Variants in C1QTNF8 observed in about 807,000 individuals in gnomAD.
C1QTNF8 encodes C1q and TNF related 8.
A neutral mutation model predicts 19.2 loss-of-function variants in C1QTNF8; 27 were observed. The ratio of observed to expected loss-of-function variants is 1.41; its 90% CI spans 1.04 to 1.94. The LOEUF is 1.94. Ranked by LOEUF, C1QTNF8 falls within the 30% of genes most tolerant of loss-of-function variation. The pLI is 0.00. For missense variants in C1QTNF8, 484 were observed against 374.4 expected (o/e 1.29, Z -2.42); for synonymous variants, 208 against 172.8 (o/e 1.20, Z -1.60).
In C1QTNF8 at chr16:1,088,346, C is replaced by T. The variant is rs1041005658; in HGVS notation, c.*2253G>A. The stretch of plus-strand genomic sequence containing the variant: ...ACAGGGATGTCCCCGCGGGAAGCCG[C>T]GTTCCCCAGTCCCTTCCTGTGCGGT... On this transcript the variant is annotated 3_prime_UTR_variant, in exon 5 of 5. Coordinates refer to ENST00000328449, the MANE Select transcript of C1QTNF8 (RefSeq NM_207419.3). Among the ~76,000 whole-genome samples the T allele has an allele frequency of 7.9e-5, 12 of 152,376 alleles. No homozygotes were observed. Among genetic ancestry groups the T allele is most frequent in the African/African-American group, 2.9e-4 (12 of 41,598 alleles).
intron 3 of C1QTNF8, among the ~76,000 whole-genome samples, chr16:1,094,419 C>T (rs1015107900): frequency 6.6e-6 from 1 of 152,190 alleles, no homozygotes; most frequent in Admixed American, 6.5e-5. Flanking sequence ...TCAGAGCAAG[C>T]GGGCTGCCCA....
rs772858491 is a variant in C1QTNF8, at chr16:1,093,656, TGACGCTGC to T, written c.596_603del (p.Arg199HisfsTer173). 8.7e-6 allele frequency: 14 copies of T among 1,611,524 alleles called. No individual in the cohort carries two copies. The East Asian group carries it at 3.1e-4, about 36-fold the overall frequency. ...AGCAGCATCAGGCTCTGGGCCTGCA[TGACGCTGC>T]GCTCGCTGGGCTGCGCGTAGAGCAC... On this transcript the variant is annotated frameshift_variant, in exon 4 of 5. Transcript: ENST00000328449. LOFTEE classifies it high-confidence loss of function.
intron 4 of C1QTNF8, among the ~76,000 whole-genome samples, chr16:1,092,290 G>C (rs1481170878): frequency 6.6e-6 from 1 of 152,008 alleles, no homozygotes; most frequent in Non-Finnish European, 1.5e-5. Context: ...CACACAGCTG[G>C]CACTCAATCA....
At position 1,090,288 on chromosome 16, in the gene C1QTNF8, G is replaced by C. The variant is rs1960518016; in HGVS notation, c.*311C>G. 6.6e-6 allele frequency: 1 copy of C among 152,602 alleles called. No homozygotes were observed. Among genetic ancestry groups the C allele is most frequent in the African/African-American group, 2.4e-5 (1 of 41,466 alleles). The allele number at this position is 152,602 out of a possible 1,614,324, so 9.5% of individuals were successfully genotyped here. On this transcript the variant is annotated 3_prime_UTR_variant, in exon 5 of 5. Coordinates refer to ENST00000328449, the MANE Select transcript of C1QTNF8 (RefSeq NM_207419.3). ...ACTTGGGAGGCAGCAGGCTTGGGCA[G>C]TGGGTGGGGGTGGCGCAGCCGGGAC...
rs2151563229 is a variant in C1QTNF8 at position 1,088,954 on chromosome 16, C to G, written c.*1645G>C. Among the ~76,000 whole-genome samples the G allele has an allele frequency of 6.6e-6, 1 of 152,326 alleles. No homozygotes were observed. Among genetic ancestry groups the G allele is most frequent in the Non-Finnish European group, 1.5e-5 (1 of 68,018 alleles). ...GTCACGTCTGGGTCCTTGGCTGGGC[C>G]TGGTGACGGGCACTTTCTGAGCTCC... is the stretch of plus-strand genomic sequence containing the variant. On this transcript the variant is annotated 3_prime_UTR_variant, in exon 5 of 5. Coordinates refer to ENST00000328449, the MANE Select transcript of C1QTNF8 (RefSeq NM_207419.3).
At chr16:1,094,251 C>T (rs1339272570) in intron 3 of C1QTNF8, among the ~76,000 whole-genome samples, 200 bp from the exon 4 acceptor site, 4 of 152,092 alleles carry the variant, frequency 2.6e-5, no homozygotes, top group Non-Finnish European at 5.9e-5. Flanking sequence ...TAGACCAAGG[C>T]CTGTGGCAAG....
rs1226763566 is a variant in C1QTNF8 at position 1,088,777 on chromosome 16, G to A, written c.*1822C>T. On this transcript the variant is annotated 3_prime_UTR_variant, in exon 5 of 5. Transcript: ENST00000328449. ...TCCAAGAGACCTTGCACCCCTGCCC[G>A]CCTGACCCCTGCTGCAGCCCGACCC... 2.0e-5 allele frequency among the ~76,000 whole-genome samples: 3 copies of A among 152,076 alleles called. No homozygotes were observed. Among genetic ancestry groups the A allele is most frequent in the East Asian group, 1.9e-4 (1 of 5,176 alleles).
At chr16:1,094,999 C>T (rs559291967) in intron 2 of C1QTNF8, 66 bp from the exon 3 acceptor site, 14 of 665,696 alleles carry the variant, frequency 2.1e-5, no homozygotes, top group South Asian at 5.0e-5. Flanking sequence ...CCAGACCCTA[C>T]GGCAGCCCGG....
chr16:1,089,583 C>T lies in C1QTNF8; in HGVS notation c.*1016G>A, dbSNP rs568278375. 9.8e-5 allele frequency among the ~76,000 whole-genome samples: 15 copies of T among 152,310 alleles called. No homozygotes were observed. The highest frequency in any genetic ancestry group is 4.1e-4 in the South Asian group (2 of 4,826). On this transcript the variant is annotated 3_prime_UTR_variant, in exon 5 of 5. Coordinates refer to ENST00000328449, the MANE Select transcript of C1QTNF8 (RefSeq NM_207419.3). ...CGGGCTCTGTGTGGGGTGGGCGGGA[C>T]GTGGCTGCAGCCTGGCTCTGCCTGC...
chr16:1,093,386 A>ACACCCACACC, intron 4 of C1QTNF8, 111 bp downstream of exon 4: 2 of 125,622 alleles, frequency 1.6e-5, no homozygotes, highest in South Asian at 1.4e-4. Flanking sequence ...CCACCCCACC[A>ACACCCACACC]CACCCACACC....
In C1QTNF8 at chr16:1,094,876, C is replaced by T. The variant is rs746195198; in HGVS notation, c.47G>A (p.Gly16Glu). 1.4e-5 allele frequency: 20 copies of T among 1,396,456 alleles called. No homozygotes were observed. The highest frequency in any genetic ancestry group is 1.9e-5 in the Non-Finnish European group (20 of 1,070,530). 86.5% of individuals were successfully genotyped at this position (1,396,456 alleles called of 1,614,324 possible). A position where few individuals can be genotyped will look rare whatever the true frequency, so the allele number is the denominator to read the frequency against. Residue 16 changes from glycine to glutamate, a missense_variant, in exon 3 of 5, where the codon GGG (glycine) becomes GAG (glutamate). Gly to Glu is a moderately conservative substitution (Grantham distance 98). Transcript: ENST00000328449. ...CCTCCTGGGCAGCCCGGGCCAGGCC[C>T]CCACGGGCAGCAGCAGTGCTAGGAG... ...LLLLALLLPV[G>E]AWPGLPRRPC...
chr16:1,094,630 C>A (rs1318465573), intron 3 of C1QTNF8, 85 bp downstream of exon 3: 1 of 1,177,230 alleles, frequency 8.5e-7, no homozygotes, highest in African/African-American at 1.6e-5. Flanking sequence ...TCCCGCCCCT[C>A]CTCCCAAGCC....
intron 2 of C1QTNF8, among the ~76,000 whole-genome samples, 154 bp downstream of exon 2, chr16:1,095,461 C>G (rs1960666837): frequency 6.6e-6 from 1 of 152,176 alleles, no homozygotes. Context: ...CGGGAGGCCA[C>G]TCCTCTGCCT....
At chr16:1,095,308 C>T (rs986210464) in intron 2 of C1QTNF8, among the ~76,000 whole-genome samples, 24 of 152,314 alleles carry the variant, frequency 1.6e-4, no homozygotes, top group African/African-American at 4.3e-4. Context: ...AGCCCTGGGG[C>T]GTGGTGGCTG....
At chr16:1,091,221 C>G (rs966732190) in intron 4 of C1QTNF8, among the ~76,000 whole-genome samples, 1 of 152,146 alleles carries the variant, frequency 6.6e-6, no homozygotes, top group Non-Finnish European at 1.5e-5. Context: ...CCCCATGAGC[C>G]CACGCTGGGT....
chr16:1,088,394 C>T lies in C1QTNF8; in HGVS notation c.*2205G>A, dbSNP rs1026731208. Among the ~76,000 whole-genome samples the T allele has an allele frequency of 2.6e-5, 4 of 152,172 alleles. No individual in the cohort carries two copies. The highest frequency in any genetic ancestry group is 5.9e-5 in the Non-Finnish European group (4 of 68,022). On this transcript the variant is annotated 3_prime_UTR_variant, in exon 5 of 5. Coordinates refer to ENST00000328449, the MANE Select transcript of C1QTNF8 (RefSeq NM_207419.3). ...GGTTGACTCATGATTAAAGCCAGCA[C>T]GGGCCGACCACGGGGGTGCCCGGTG...
At chr16:1,091,303 A>G (rs1960539092) in intron 4 of C1QTNF8, among the ~76,000 whole-genome samples, 1 of 152,104 alleles carries the variant, frequency 6.6e-6, no homozygotes, top group African/African-American at 2.4e-5. Context: ...TCCAGGCAGC[A>G]TGGCTGAGCT....
rs888171703 is a variant in C1QTNF8 at position 1,088,524 on chromosome 16, G to T, written c.*2075C>A. On this transcript the variant is annotated 3_prime_UTR_variant, in exon 5 of 5. Transcript: ENST00000328449. ...GCCTCTACCAAGCATCCCTCTTTCC[G>T]CTCCCACCTGGCACTGGCAGCGTCC... is the stretch of plus-strand genomic sequence containing the variant. Among the ~76,000 whole-genome samples, 5 of 152,142 alleles carry T rather than the reference G, an allele frequency of 3.3e-5. No homozygotes were observed. The highest frequency in any genetic ancestry group is 7.4e-5 in the Non-Finnish European group (5 of 68,012).
chr16:1,091,963 A>G (rs1230412733), intron 4 of C1QTNF8, among the ~76,000 whole-genome samples: 1 of 152,186 alleles, frequency 6.6e-6, no homozygotes, highest in Non-Finnish European at 1.5e-5. Flanking sequence ...CAAATACGCA[A>G]TGTCGAATGA....
Sources: allele counts gnomAD v4.1 joint callset (sites outside exome capture counted in the v4.1 genomes callset), GRCh38; gene constraint gnomAD v4.1.1; transcripts MANE v1.5; gene names NCBI Gene and HGNC (gene_info 2026-07-23, HGNC 2026-07-21).